The following COX6B2 variants were observed in gnomAD, a reference collection of about 807,000 sequenced individuals.
The protein encoded by COX6B2 is cytochrome c oxidase subunit 6B2, also known as COX VIb-2.
COX6B2 carries 12 observed loss-of-function variants against 13.7 expected under a neutral mutation model. The ratio of observed to expected loss-of-function variants is 0.87; its 90% CI spans 0.56 to 1.41. The LOEUF (loss-of-function observed/expected upper bound fraction) is 1.41, where lower values mean the gene tolerates loss of function less well. Among genes scored for constraint, COX6B2 ranks in the 40% most tolerant of loss-of-function variants. COX6B2 has a pLI of 0.00. For missense variants in COX6B2, 130 were observed against 118.3 expected (o/e 1.10, Z -0.46); for synonymous variants, 56 against 46.6 (o/e 1.20, Z -0.82).
chr19:55,354,548 CG>C lies in COX6B2; in HGVS notation c.-18-10del, dbSNP rs776966472. The stretch of plus-strand genomic sequence containing the variant: ...CACGAAGGAGGCAACTCCTGCGAGA[CG>C]GGACGGGACGGGGACTCCGTGGGGC... On this transcript the variant is annotated splice_polypyrimidine_tract_variant and intron_variant, in intron 1 of 4. Coordinates refer to ENST00000326529, the MANE Select transcript of COX6B2 (RefSeq NM_144613.5). The C allele has an allele frequency of 1.7e-5, 26 of 1,512,522 alleles. No individual in the cohort carries two copies. The East Asian group carries it at 5.0e-4, about 29-fold the overall frequency. 93.7% of individuals were successfully genotyped at this position (1,512,522 alleles called of 1,614,324 possible).
chr19:55,353,397 G>A, intron 4 of COX6B2: 1 of 457,854 alleles, frequency 2.2e-6, no homozygotes, highest in Non-Finnish European at 4.0e-6. Flanking sequence ...CTACCTGCTG[G>A]AATGGAGAGG....
Position 55,349,973 on chromosome 19 carries a change from C to T in COX6B2, c.*942G>A, listed in dbSNP as rs544986783. 6.6e-6 allele frequency: 1 copy of T among 152,004 alleles called. No individual in the cohort carries two copies. Among genetic ancestry groups the T allele is most frequent in the African/African-American group, 2.4e-5 (1 of 41,448 alleles). The allele number at this position is 152,004 out of a possible 1,614,324, so 9.4% of individuals were successfully genotyped here. On this transcript the variant is annotated 3_prime_UTR_variant, in exon 5 of 5. Coordinates refer to ENST00000326529, the MANE Select transcript of COX6B2 (RefSeq NM_144613.5). ...AGAAACCCCGTCTCTACTAAAAATA[C>T]AAAATAAGCTGGGCGTGGTGGTGCA...
Position 55,354,636 on chromosome 19 carries a change from C to T in COX6B2, c.-19+14G>A, listed in dbSNP as rs1436670352. 2.8e-6 allele frequency: 2 copies of T among 719,732 alleles called. No individual in the cohort carries two copies. Among genetic ancestry groups the T allele is most frequent in the Non-Finnish European group, 4.7e-6 (2 of 429,074 alleles). 44.6% of individuals were successfully genotyped at this position (719,732 alleles called of 1,614,324 possible). A position where few individuals can be genotyped will look rare whatever the true frequency, so the allele number is the denominator to read the frequency against. On this transcript the variant is annotated intron_variant, in intron 1 of 4. Coordinates refer to ENST00000326529, the MANE Select transcript of COX6B2 (RefSeq NM_144613.5). ...CTGACCCCCGCCCCTGAACCCCACCCGTCGTGCCCTCACCAGCCTGACGTT... is the reference window on the plus strand; with the variant it reads ...CTGACCCCCGCCCCTGAACCCCACCTGTCGTGCCCTCACCAGCCTGACGTT...
rs376652873 is a variant in COX6B2, at chr19:55,353,985, A to C, written c.113-19T>G. 2 of 1,533,214 alleles carry C rather than the reference A, an allele frequency of 1.3e-6. No individual in the cohort carries two copies. Among genetic ancestry groups the C allele is most frequent in the South Asian group, 1.2e-5 (1 of 83,868 alleles). The allele number at this position is 1,533,214 out of a possible 1,614,324, so 95.0% of individuals were successfully genotyped here. On this transcript the variant is annotated intron_variant, in intron 2 of 4. Transcript: ENST00000326529. ...TGGTAGTCTGTGGCGGGCGGGGGTC[A>C]CGCGGCAAGCCACGCCCATTCCAGG...
At chr19:55,354,272 C>T in intron 2 of COX6B2, 138 bp downstream of exon 2, 1 of 779,954 alleles carries the variant, frequency 1.3e-6, no homozygotes, top group Non-Finnish European at 2.1e-6. Flanking sequence ...TTTTCTCGAC[C>T]AGGCCCCGCC....
Position 55,354,411 on chromosome 19 carries a change from C to T in COX6B2, c.111G>A (p.Leu37=), listed in dbSNP as rs1410911835. 7 of 1,613,000 alleles carry T rather than the reference C, an allele frequency of 4.3e-6. No homozygotes were observed. The African/African-American group carries it at 6.7e-5, about 15-fold the overall frequency. The part of the protein sequence containing the change: ...NQIRNCYQNF[L]DYHRCLKTRT... ...ATAACCTGGCTGAGCAGGTCTCACC[C>T]AGGAAGTTCTGGTAGCAGTTACGGA... Residue 37 remains leucine, a splice_region_variant and synonymous_variant, in exon 2 of 5, where the codon CTG becomes CTA. Transcript: ENST00000326529.
rs2089684555 is a variant in COX6B2, at chr19:55,353,595, GCAACAGCATACCATTA to G, written c.*110_*114+11del. ...GGCTGGGCATTAAGAAGAAACATCA[GCAACAGCATACCATTA>G]TTCGTGGCTTAGACACTGGGAGGTA... On this transcript the variant is annotated splice_donor_variant and splice_donor_5th_base_variant and 3_prime_UTR_variant and intron_variant, in exon 4 of 5. Coordinates refer to ENST00000326529, the MANE Select transcript of COX6B2 (RefSeq NM_144613.5). LOFTEE classifies it low-confidence loss of function (3UTR_SPLICE). 3 of 868,172 alleles carry G rather than the reference GCAACAGCATACCATTA, an allele frequency of 3.5e-6. No individual in the cohort carries two copies. The South Asian group carries it at 5.0e-5, about 14-fold the overall frequency. 53.8% of individuals were successfully genotyped at this position (868,172 alleles called of 1,614,324 possible).
At chr19:55,354,342 G>A (rs1016008904) in intron 2 of COX6B2, 68 bp downstream of exon 2, 1 of 1,253,010 alleles carries the variant, frequency 8.0e-7, no homozygotes, top group African/African-American at 1.9e-5. Context: ...ACTTAGGGTG[G>A]GAGTGCCCCT....
chr19:55,353,923 G>A lies in COX6B2; in HGVS notation c.156C>T (p.Ser52=). The change falls in exon 3 of 5, where the codon AGC becomes AGT. Residue 52 remains serine, a synonymous_variant. Transcript: ENST00000326529. ...CLKTRTRRGK[S]TQPCEYYFRV... ...GGAAATAGTACTCGCAGGGCTGCGT[G>A]CTCTTCCCGCGGCGGGTCCTGGTCT... 1.9e-6 allele frequency: 3 copies of A among 1,569,392 alleles called. No homozygotes were observed. The highest frequency in any genetic ancestry group is 8.6e-7 in the Non-Finnish European group (1 of 1,159,506).
intron 4 of COX6B2, chr19:55,351,661 G>A (rs576630634): frequency 6.6e-6 from 1 of 152,600 alleles, no homozygotes; most frequent in Admixed American, 6.5e-5. Flanking sequence ...TTCTGGGTGG[G>A]GGCAGGAATA....
In COX6B2 at chr19:55,354,400, C is replaced by G; in HGVS notation, c.112+10G>C. On this transcript the variant is annotated intron_variant, in intron 2 of 4. Transcript: ENST00000326529. ...CTGCTCCTCCCATAACCTGGCTGAG[C>G]AGGTCTCACCCAGGAAGTTCTGGTA... 2 of 1,596,028 alleles carry G rather than the reference C, an allele frequency of 1.3e-6. No homozygotes were observed. Among genetic ancestry groups the G allele is most frequent in the Non-Finnish European group, 1.7e-6 (2 of 1,166,234 alleles).
intron 4 of COX6B2, 166 bp downstream of exon 4, chr19:55,353,441 C>T (rs2089683346): frequency 1.8e-6 from 1 of 550,078 alleles, no homozygotes; most frequent in Non-Finnish European, 3.3e-6. Flanking sequence ...GGCTTCCTGT[C>T]TTAGGGCCTT....
intron 4 of COX6B2, among the ~76,000 whole-genome samples, chr19:55,351,391 G>A (rs548013265): frequency 6.6e-6 from 1 of 152,286 alleles, no homozygotes; most frequent in Non-Finnish European, 1.5e-5. Context: ...TGGGAAAGGG[G>A]GAAACCCAGA....
rs770103934 is a variant in COX6B2 at position 55,353,865 on chromosome 19, C to G, written c.213+1G>C. 5.1e-6 allele frequency: 8 copies of G among 1,577,832 alleles called. No homozygotes were observed. In the Admixed American group the frequency reaches 9.3e-5, roughly 18 times the overall value. On this transcript the variant is annotated splice_donor_variant, in intron 3 of 4. Coordinates refer to ENST00000326529, the MANE Select transcript of COX6B2 (RefSeq NM_144613.5). LOFTEE classifies it high-confidence loss of function. ...GCCCGGCGCCCCCTCTGCCGACTCA[C>G]CCAGCTGATGGGGCACAGCGAGTGG...
intron 4 of COX6B2, chr19:55,351,566 A>G (rs777665622): frequency 6.6e-6 from 1 of 152,416 alleles, no homozygotes; most frequent in Non-Finnish European, 1.5e-5. Flanking sequence ...GATTGAAGAG[A>G]TGGGGCTGGA....
At chr19:55,354,600 G>T (rs2123219555) in intron 1 of COX6B2, 50 bp downstream of exon 1, 3 of 1,067,658 alleles carry the variant, frequency 2.8e-6, no homozygotes, top group Non-Finnish European at 4.2e-6. Flanking sequence ...GCTCCGACCC[G>T]TCTCCCCATC....
intron 4 of COX6B2, among the ~76,000 whole-genome samples, chr19:55,351,531 G>A (rs1357273529): frequency 6.6e-6 from 1 of 152,168 alleles, no homozygotes; most frequent in East Asian, 1.9e-4. Flanking sequence ...GAACCGCAGA[G>A]GGAGGGGAAA....
At chr19:55,353,260 T>A (rs771586570) in intron 4 of COX6B2, 1 of 199,672 alleles carries the variant, frequency 5.0e-6, no homozygotes, top group Non-Finnish European at 1.0e-5. Flanking sequence ...AGGAGGGGAG[T>A]AGGGAAAGGA....
At chr19:55,353,099 C>G in intron 4 of COX6B2, 1 of 155,232 alleles carries the variant, frequency 6.4e-6, no homozygotes, top group East Asian at 1.9e-4. Context: ...CAGGTGGGAG[C>G]GGGGTCGTGA....
Sources: allele counts gnomAD v4.1 joint callset (sites outside exome capture counted in the v4.1 genomes callset), GRCh38; gene constraint gnomAD v4.1.1; transcripts MANE v1.5; gene names NCBI Gene and HGNC (gene_info 2026-07-23, HGNC 2026-07-21).